SLC4A4: variants seen among roughly 807,000 people sequenced by gnomAD.
SLC4A4 encodes solute carrier family 4 member 4, also known as electrogenic sodium bicarbonate cotransporter 1.
SLC4A4 carries 27 observed loss-of-function variants against 111.5 expected under a neutral mutation model. That is an observed-to-expected ratio of 0.24 (90% CI 0.18 to 0.33). The LOEUF (loss-of-function observed/expected upper bound fraction) is 0.33, where lower values mean the gene tolerates loss of function less well. Ranked by LOEUF, SLC4A4 falls within the 10% of genes least tolerant of loss-of-function variation. The pLI is 1.00. For missense variants in SLC4A4, 909 were observed against 1,315.5 expected (o/e 0.69, Z 4.78); for synonymous variants, 443 against 463.4 (o/e 0.96, Z 0.57).
At chr4:71,130,234 A>T (rs11723695) in intron 2 of SLC4A4, among the ~76,000 whole-genome samples, 29,668 of 148,774 alleles carry the variant, frequency 0.2, 2,973 homozygotes, top group South Asian at 0.29. Context: ...AATGTTAATT[A>T]TTTTTTTTTT....
rs151058556 is a variant in SLC4A4, at chr4:71,475,577, C to T, written c.1903+2607C>T. ...TTGTCCAGAAGGACTCTGACAATTC[C>T]TGCTACCTCTAGTTGGTACCAATAA... is the stretch of plus-strand genomic sequence containing the variant. On this transcript the variant is annotated intron_variant, in intron 14 of 25. Transcript: ENST00000264485. Among the ~76,000 whole-genome samples the T allele has an allele frequency of 5.0e-3, 754 of 151,942 alleles. 1 individual carries two copies. The highest frequency in any genetic ancestry group is 7.9e-3 in the Non-Finnish European group (535 of 67,866).
At chr4:71,356,224 T>C (rs1730274068) in intron 5 of SLC4A4, among the ~76,000 whole-genome samples, 1 of 152,220 alleles carries the variant, frequency 6.6e-6, no homozygotes, top group Non-Finnish European at 1.5e-5. Flanking sequence ...TCCAGCAGAG[T>C]GACCTATGAG....
At chr4:71,458,951 TTGTC>T (rs1466385648) in intron 12 of SLC4A4, among the ~76,000 whole-genome samples, 4 of 152,030 alleles carry the variant, frequency 2.6e-5, no homozygotes, top group Non-Finnish European at 5.9e-5. Flanking sequence ...TAGGTAGAGA[TTGTC>T]TGTTGGAATG....
intron 12 of SLC4A4, among the ~76,000 whole-genome samples, chr4:71,455,633 T>A (rs1002950728): frequency 5.3e-5 from 8 of 152,198 alleles, no homozygotes; most frequent in African/African-American, 1.7e-4. Context: ...CTTCCGTCTG[T>A]CAGAATGTAT....
rs937192840 is a variant in SLC4A4, at chr4:71,208,206, G to A, written c.-2+20805G>A. ...AGCACTTTGGGAGGCCGAGGCAGGC[G>A]GATCACGAGGTCAGGAGATGGAGAC... On this transcript the variant is annotated intron_variant, in intron 1 of 25. Coordinates refer to ENST00000264485, the MANE Select transcript of SLC4A4 (RefSeq NM_001098484.3). Among the ~76,000 whole-genome samples the A allele has an allele frequency of 3.4e-4, 51 of 152,154 alleles. 1 individual carries two copies. The highest frequency in any genetic ancestry group is 1.1e-3 in the African/African-American group (47 of 41,518).
chr4:71,211,908 G>T (rs764765477), intron 1 of SLC4A4, among the ~76,000 whole-genome samples: 15 of 151,674 alleles, frequency 9.9e-5, no homozygotes, highest in African/African-American at 3.4e-4. Context: ...AAAATTAGAC[G>T]CTAAAAACCA....
intron 1 of SLC4A4, among the ~76,000 whole-genome samples, chr4:71,213,298 G>C (rs1718241495): frequency 6.6e-6 from 1 of 152,144 alleles, no homozygotes; most frequent in Non-Finnish European, 1.5e-5. Context: ...AATAATGCTG[G>C]ATTTTACCTC....
chr4:71,440,524 A>T, intron 7 of SLC4A4, 92 bp from the exon 8 acceptor site: 1 of 1,396,124 alleles, frequency 7.2e-7, no homozygotes, highest in East Asian at 2.3e-5. Flanking sequence ...GATACATGGG[A>T]AGGCCCTTTT....
At chr4:71,230,274 T>A (rs543594126) in intron 1 of SLC4A4, among the ~76,000 whole-genome samples, 1 of 152,346 alleles carries the variant, frequency 6.6e-6, no homozygotes, top group Admixed American at 6.5e-5. Flanking sequence ...GATCCAAGAT[T>A]AGCCAAGTAA....
chr4:71,219,241 CT>C (rs1199456562), intron 1 of SLC4A4, among the ~76,000 whole-genome samples: 1 of 152,172 alleles, frequency 6.6e-6, no homozygotes, highest in African/African-American at 2.4e-5. Context: ...AGGAAAAGTG[CT>C]TGAAGAAAAT....
intron 7 of SLC4A4, among the ~76,000 whole-genome samples, chr4:71,404,805 T>C (rs1719046236): frequency 6.6e-6 from 1 of 152,030 alleles, no homozygotes; most frequent in Admixed American, 6.6e-5. Flanking sequence ...ATTCTTTTTT[T>C]TTCTTTTTGA....
intron 1 of SLC4A4, among the ~76,000 whole-genome samples, chr4:71,068,027 A>T (rs1578447926): frequency 6.9e-6 from 1 of 144,446 alleles, no homozygotes; most frequent in South Asian, 2.2e-4. Context: ...GGGATTATGG[A>T]TGTGAGCCAC....
At chr4:71,285,856 T>A (rs1165791623) in intron 3 of SLC4A4, among the ~76,000 whole-genome samples, 3 of 152,236 alleles carry the variant, frequency 2.0e-5, no homozygotes, top group African/African-American at 7.2e-5. Flanking sequence ...GTGTTAGCTA[T>A]GTTTATTATG....
chr4:71,519,834 G>A (rs1426368390), intron 16 of SLC4A4, among the ~76,000 whole-genome samples: 3 of 151,980 alleles, frequency 2.0e-5, no homozygotes, highest in Admixed American at 6.6e-5. Flanking sequence ...TTTTTTAGTA[G>A]AGACTGGGTT....
chr4:71,291,675 G>A (rs1724362869), intron 3 of SLC4A4, among the ~76,000 whole-genome samples: 1 of 152,020 alleles, frequency 6.6e-6, no homozygotes, highest in Non-Finnish European at 1.5e-5. Flanking sequence ...GCCCTCATAG[G>A]CACCCCAAAA....
At chr4:71,074,997 G>A (rs558963047) in intron 1 of SLC4A4, among the ~76,000 whole-genome samples, 72 of 152,020 alleles carry the variant, frequency 4.7e-4, no homozygotes, top group Non-Finnish European at 9.0e-4. Flanking sequence ...GAACCTGGAG[G>A]ACATATAACA....
At chr4:71,200,259 A>G (rs1198084737) in intron 1 of SLC4A4, among the ~76,000 whole-genome samples, 1 of 152,176 alleles carries the variant, frequency 6.6e-6, no homozygotes. Flanking sequence ...TTAAATTACA[A>G]GAGTGGCCTG....
At chr4:71,239,006 A>G (rs1161513889) in intron 2 of SLC4A4, among the ~76,000 whole-genome samples, 1 of 152,170 alleles carries the variant, frequency 6.6e-6, no homozygotes, top group Non-Finnish European at 1.5e-5. Flanking sequence ...ATATGAGTCC[A>G]TCTCATATTT....
chr4:71,497,053 A>C (rs543534371), intron 15 of SLC4A4, among the ~76,000 whole-genome samples: 6 of 152,270 alleles, frequency 3.9e-5, no homozygotes, highest in Non-Finnish European at 8.8e-5. Context: ...ACCTATTACA[A>C]CTTTTAGAGC....
Sources: allele counts gnomAD v4.1 joint callset (sites outside exome capture counted in the v4.1 genomes callset), GRCh38; gene constraint gnomAD v4.1.1; transcripts MANE v1.5; gene names NCBI Gene and HGNC (gene_info 2026-07-23, HGNC 2026-07-21).